Variants in ABR observed in about 807,000 individuals in gnomAD.
ABR encodes active breakpoint cluster region-related protein.
A neutral mutation model predicts 107.2 loss-of-function variants in ABR; 35 were observed. The observed-to-expected ratio is 0.33, with a 90% CI of 0.25 to 0.43. The LOEUF is 0.43. Ranked by LOEUF, ABR falls within the 20% of genes least tolerant of loss-of-function variation. The probability of loss-of-function intolerance (pLI) is 1.00; values close to 1 mark genes in which losing one functional copy is unlikely to be tolerated. For missense variants in ABR, 815 were observed against 1,115.2 expected (o/e 0.73, Z 3.83); for synonymous variants, 498 against 462.0 (o/e 1.08, Z -1.00).
At chr17:1,215,175 T>TC (rs944578432) in intron 1 of ABR, among the ~76,000 whole-genome samples, 1 of 148,028 alleles carries the variant, frequency 6.8e-6, no homozygotes, top group Non-Finnish European at 1.5e-5. Flanking sequence ...AGCCTAGATC[T>TC]CCCCACTACA....
Position 1,120,390 on chromosome 17 carries a change from C to T in ABR, c.246+4793G>A, listed in dbSNP as rs558277322. Among the ~76,000 whole-genome samples the T allele has an allele frequency of 7.9e-5, 12 of 152,312 alleles. No individual in the cohort carries two copies. The East Asian group carries it at 2.3e-3, about 29-fold the overall frequency. Reference sequence around the variant, plus strand: ...CTGGGTTCTAGCAATTCTCCTGCCTCAGTCTCCCAAGTAGCTGGGATTATA... The same window carrying T: ...CTGGGTTCTAGCAATTCTCCTGCCTTAGTCTCCCAAGTAGCTGGGATTATA... On this transcript the variant is annotated intron_variant, in intron 2 of 22. Transcript: ENST00000302538.
In ABR at chr17:1,125,045, C is replaced by T. The variant is rs143399780; in HGVS notation, c.246+138G>A. ...GGGGTCCAGGGCCAGGACGAGATGACGAGGCACCAAGAACGGCCAGGTCCA... is the reference window on the plus strand; with the variant it reads ...GGGGTCCAGGGCCAGGACGAGATGATGAGGCACCAAGAACGGCCAGGTCCA... On this transcript the variant is annotated intron_variant, in intron 2 of 22. Coordinates refer to ENST00000302538, the MANE Select transcript of ABR (RefSeq NM_021962.5). 1.5e-3 allele frequency: 1,277 copies of T among 849,856 alleles called. 5 individuals carry two copies. Among genetic ancestry groups the T allele is most frequent in the Admixed American group, 1.9e-3 (65 of 33,540 alleles). The allele number at this position is 849,856 out of a possible 1,614,324, so 52.6% of individuals were successfully genotyped here.
At chr17:1,182,146 T>G (rs1267153438), upstream of ABR, 1 of 152,162 alleles carries the variant, frequency 6.6e-6, no homozygotes, top group African/African-American at 2.4e-5. Flanking sequence ...TTGAGGGCTC[T>G]ACAGAGGAAA....
chr17:1,009,967 C>T (rs2070393456), intron 20 of ABR, 183 bp from the exon 21 acceptor site: 2 of 610,860 alleles, frequency 3.3e-6, no homozygotes, highest in Non-Finnish European at 5.8e-6. Flanking sequence ...CTCCAGGAGG[C>T]CCCACCACGA....
chr17:1,017,464 CTTTTTTTT>C (rs61229673), intron 16 of ABR, among the ~76,000 whole-genome samples: 1 of 104,556 alleles, frequency 9.6e-6, no homozygotes, highest in Non-Finnish European at 1.9e-5. Context: ...GCCATGCCCT[CTTTTTTTT>C]TTTTTTTTTT....
chr17:1,019,699 T>A (rs2071470950), intron 16 of ABR, among the ~76,000 whole-genome samples: 1 of 152,274 alleles, frequency 6.6e-6, no homozygotes, highest in Non-Finnish European at 1.5e-5. Context: ...GCGCTGGCTA[T>A]TTATAACTCC....
At chr17:1,183,116 G>C (rs897113093), upstream of ABR, among the ~76,000 whole-genome samples, 1 of 152,168 alleles carries the variant, frequency 6.6e-6, no homozygotes, top group East Asian at 1.9e-4. Flanking sequence ...TAACCCCAGC[G>C]ATCAACCCCA....
In ABR at chr17:1,038,862, G is replaced by A. The variant is rs541497507; in HGVS notation, c.1791+11188C>T. 9.8e-5 allele frequency among the ~76,000 whole-genome samples: 15 copies of A among 152,350 alleles called. 1 individual carries two copies. In the South Asian group the frequency reaches 2.1e-3, roughly 21 times the overall value. Reference sequence around the variant, plus strand: ...GAAGCTTTCAGAAAACACGGAAAGTGGGACAACCCTGGAGCTGATCCTTTG... The same window carrying A: ...GAAGCTTTCAGAAAACACGGAAAGTAGGACAACCCTGGAGCTGATCCTTTG... On this transcript the variant is annotated intron_variant, in intron 16 of 22. Transcript: ENST00000302538.
intron 1 of ABR, among the ~76,000 whole-genome samples, chr17:1,163,180 T>C (rs1037404718): frequency 6.6e-6 from 1 of 152,224 alleles, no homozygotes. Context: ...TTGTGAAGAA[T>C]AAGGGAGTTA....
chr17:1,079,518 G>A, intron 5 of ABR, 128 bp from the exon 6 acceptor site: 1 of 868,688 alleles, frequency 1.2e-6, no homozygotes, highest in Non-Finnish European at 1.8e-6. Flanking sequence ...GCCGGGTGTG[G>A]CGGCTCACGC....
At chr17:1,043,929 G>A (rs114554347) in intron 16 of ABR, among the ~76,000 whole-genome samples, 3,486 of 152,314 alleles carry the variant, frequency 0.023, 149 homozygotes, top group African/African-American at 0.077. Flanking sequence ...GGTGCAGAGG[G>A]CCCCTCAGGT....
At chr17:1,044,972 C>G (rs1039397148) in intron 16 of ABR, among the ~76,000 whole-genome samples, 7 of 152,168 alleles carry the variant, frequency 4.6e-5, no homozygotes, top group Admixed American at 2.6e-4. Context: ...CAAAAAGGTG[C>G]TTAAGAAGAC....
Position 1,067,259 on chromosome 17 carries a change from G to C in ABR, c.1017-17C>G. The C allele has an allele frequency of 1.3e-6, 2 of 1,562,258 alleles. No individual in the cohort carries two copies. Among genetic ancestry groups the C allele is most frequent in the Non-Finnish European group, 1.7e-6 (2 of 1,156,590 alleles). ...TGGTGCTTCCTGCAAACGAGCCAGA[G>C]GGAGCCATGAGCCAGAGGGAGCCTG... On this transcript the variant is annotated splice_polypyrimidine_tract_variant and intron_variant, in intron 9 of 22. Transcript: ENST00000302538.
intron 1 of ABR, among the ~76,000 whole-genome samples, chr17:1,135,605 G>GT (rs1479085734): frequency 6.6e-6 from 1 of 152,082 alleles, no homozygotes; most frequent in Non-Finnish European, 1.5e-5. Context: ...GCCAGGTGCG[G>GT]TGTCTCACAC....
At chr17:1,188,554 A>C (rs1456622693), upstream of ABR, among the ~76,000 whole-genome samples, 1 of 151,936 alleles carries the variant, frequency 6.6e-6, no homozygotes, top group Non-Finnish European at 1.5e-5. Flanking sequence ...CGTCTCAAAA[A>C]AAAAAAAAAA....
At chr17:1,132,031 CT>C (rs1372851893) in intron 1 of ABR, among the ~76,000 whole-genome samples, 2 of 151,350 alleles carry the variant, frequency 1.3e-5, no homozygotes, top group Admixed American at 6.6e-5. Flanking sequence ...CAGCTCCCCC[CT>C]CTTTGCACAC....
At chr17:1,132,644 T>G (rs1326010884) in intron 1 of ABR, among the ~76,000 whole-genome samples, 2 of 152,078 alleles carry the variant, frequency 1.3e-5, no homozygotes, top group Admixed American at 6.6e-5. Context: ...CCCAAAGTGC[T>G]GGGATTACAG....
At chr17:1,212,081 TC>T (rs1446706010) in intron 1 of ABR, among the ~76,000 whole-genome samples, 3 of 13,340 alleles carry the variant, frequency 2.2e-4, no homozygotes, top group Admixed American at 1.4e-3. Context: ...AGACCCCATC[TC>T]GAAAAAAAAA....
At chr17:1,073,712 T>C in intron 6 of ABR, 35 bp from the exon 7 acceptor site, 5 of 1,575,692 alleles carry the variant, frequency 3.2e-6, no homozygotes, top group Non-Finnish European at 4.3e-6. Flanking sequence ...AGGAAGAGGA[T>C]GATGGACGAG....
Sources: allele counts gnomAD v4.1 joint callset (sites outside exome capture counted in the v4.1 genomes callset), GRCh38; gene constraint gnomAD v4.1.1; transcripts MANE v1.5; gene names NCBI Gene and HGNC (gene_info 2026-07-23, HGNC 2026-07-21).